Variants in KLHL32 observed in about 807,000 individuals in gnomAD.
KLHL32 encodes kelch like family member 32.
A neutral mutation model predicts 64.8 loss-of-function variants in KLHL32; 35 were observed. The observed-to-expected ratio is 0.54, with a 90% CI of 0.41 to 0.72. KLHL32 has a LOEUF of 0.72. KLHL32 is among the 30% of genes least tolerant of loss of function. The pLI, the probability that KLHL32 is intolerant of heterozygous loss-of-function variation, is 0.00. For synonymous variants in KLHL32, 259 were observed against 281.0 expected (o/e 0.92, Z 0.78); for missense variants, 589 against 768.5 (o/e 0.77, Z 2.76).
At chr6:97,089,366 T>C (rs936593369) in intron 6 of KLHL32, among the ~76,000 whole-genome samples, 4 of 152,360 alleles carry the variant, frequency 2.6e-5, no homozygotes, top group Middle Eastern at 3.4e-3. Flanking sequence ...AAATATTCAG[T>C]AGTTAGGTTA....
intron 6 of KLHL32, among the ~76,000 whole-genome samples, chr6:97,101,296 A>G (rs1795695114): frequency 6.6e-6 from 1 of 152,184 alleles, no homozygotes; most frequent in Non-Finnish European, 1.5e-5. Context: ...ATCTGTCTAC[A>G]AAAGGCTTAA....
At chr6:97,089,503 G>A (rs1164259432) in intron 6 of KLHL32, among the ~76,000 whole-genome samples, 1 of 151,476 alleles carries the variant, frequency 6.6e-6, no homozygotes, top group Admixed American at 6.6e-5. Context: ...TTCTGGGTAG[G>A]CGCGGTGGCT....
At chr6:97,111,381 C>A (rs1797114055) in intron 6 of KLHL32, among the ~76,000 whole-genome samples, 2 of 152,248 alleles carry the variant, frequency 1.3e-5, no homozygotes, top group Non-Finnish European at 2.9e-5. Context: ...ATTCCCTGAC[C>A]CCTTCACGGG....
At chr6:96,982,966 A>G (rs1776506984) in intron 3 of KLHL32, among the ~76,000 whole-genome samples, 1 of 28,698 alleles carries the variant, frequency 3.5e-5, no homozygotes, top group Admixed American at 3.5e-4. Flanking sequence ...GCCAGTTTTC[A>G]AGGGAATGCT....
chr6:97,081,072 A>G (rs1002050581), intron 5 of KLHL32, among the ~76,000 whole-genome samples: 4 of 152,184 alleles, frequency 2.6e-5, no homozygotes, highest in Non-Finnish European at 5.9e-5. Context: ...ATTACCATTG[A>G]AAACATGATT....
chr6:97,072,509 C>T (rs1019728747), intron 5 of KLHL32, among the ~76,000 whole-genome samples: 1 of 150,342 alleles, frequency 6.7e-6, no homozygotes, highest in Non-Finnish European at 1.5e-5. Context: ...AGGTTCACTC[C>T]TTTTAATTTG....
chr6:97,016,820 G>A (rs545297112), intron 3 of KLHL32, among the ~76,000 whole-genome samples: 59 of 152,294 alleles, frequency 3.9e-4, no homozygotes, highest in African/African-American at 1.4e-3. Flanking sequence ...GGATCCTGCG[G>A]TTGGTTTACC....
At chr6:97,003,593 T>G (rs1168831547) in intron 3 of KLHL32, among the ~76,000 whole-genome samples, 1 of 152,234 alleles carries the variant, frequency 6.6e-6, no homozygotes. Context: ...TGGTATTTCC[T>G]AGATTATCTT....
chr6:96,952,553 A>G (rs1485358212), intron 1 of KLHL32, among the ~76,000 whole-genome samples: 1 of 152,198 alleles, frequency 6.6e-6, no homozygotes, highest in Non-Finnish European at 1.5e-5. Flanking sequence ...ACTTTGAAGC[A>G]AGAATCATAA....
intron 3 of KLHL32, among the ~76,000 whole-genome samples, chr6:96,998,383 T>C (rs1332808864): frequency 6.6e-6 from 1 of 152,108 alleles, no homozygotes; most frequent in Non-Finnish European, 1.5e-5. Flanking sequence ...TCTCAAAAAT[T>C]AAATTTTAAC....
At chr6:96,953,937 C>T (rs982985697) in intron 1 of KLHL32, among the ~76,000 whole-genome samples, 3 of 151,374 alleles carry the variant, frequency 2.0e-5, no homozygotes, top group Non-Finnish European at 4.4e-5. Flanking sequence ...TTGATAGAAA[C>T]CACATTAGGT....
At chr6:97,060,744 T>C (rs1407088331) in intron 4 of KLHL32, among the ~76,000 whole-genome samples, 2 of 152,112 alleles carry the variant, frequency 1.3e-5, no homozygotes, top group African/African-American at 2.4e-5. Context: ...AGGAGGGTGA[T>C]TGGGCCACCT....
At chr6:97,127,768 G>A (rs1799029947) in intron 8 of KLHL32, among the ~76,000 whole-genome samples, 1 of 152,090 alleles carries the variant, frequency 6.6e-6, no homozygotes, top group Non-Finnish European at 1.5e-5. Flanking sequence ...ATTCTAGGAG[G>A]GGATCATGCT....
rs542963507 is a variant in KLHL32, at chr6:97,079,253, G to T, written c.412-5873G>T. 3.3e-5 allele frequency among the ~76,000 whole-genome samples: 5 copies of T among 152,224 alleles called. No individual in the cohort carries two copies. The South Asian group carries it at 1.0e-3, about 32-fold the overall frequency. On this transcript the variant is annotated intron_variant, in intron 5 of 10. Coordinates refer to ENST00000369261, the MANE Select transcript of KLHL32 (RefSeq NM_052904.4). ...ATTGAGAGACACCGCAAAGGCCATGGCCACTCTGCTGCAGATGAGACCCAC... is the reference window on the plus strand; with the variant it reads ...ATTGAGAGACACCGCAAAGGCCATGTCCACTCTGCTGCAGATGAGACCCAC...
At chr6:97,012,029 G>A (rs191883533) in intron 3 of KLHL32, among the ~76,000 whole-genome samples, 5 of 152,096 alleles carry the variant, frequency 3.3e-5, no homozygotes, top group African/African-American at 7.2e-5. Context: ...AATCAATCAC[G>A]TAACTGCTGA....
intron 3 of KLHL32, among the ~76,000 whole-genome samples, chr6:97,014,965 C>T (rs575386378): frequency 3.3e-5 from 5 of 152,264 alleles, no homozygotes; most frequent in South Asian, 4.1e-4. Flanking sequence ...TGAATCATGG[C>T]GGTGGTTTCC....
At chr6:96,931,452 T>C (rs1769879937) in intron 1 of KLHL32, among the ~76,000 whole-genome samples, 1 of 152,220 alleles carries the variant, frequency 6.6e-6, no homozygotes, top group African/African-American at 2.4e-5. Flanking sequence ...TAGGATCCCA[T>C]AGACTGAGCT....
At chr6:97,061,395 A>G (rs1192316291) in intron 4 of KLHL32, among the ~76,000 whole-genome samples, 8 of 131,200 alleles carry the variant, frequency 6.1e-5, no homozygotes, top group Non-Finnish European at 1.5e-5. Flanking sequence ...TTATGTATCT[A>G]GCATTTTCTT....
chr6:97,111,037 G>GT (rs1329709536), intron 6 of KLHL32, among the ~76,000 whole-genome samples: 2 of 151,886 alleles, frequency 1.3e-5, no homozygotes. Context: ...TCTTGGGGGG[G>GT]GGGGGTCTTA....
Sources: gnomAD v4.1 joint callset for allele counts (sites outside exome capture counted in the v4.1 genomes callset) on GRCh38, gnomAD v4.1.1 for gene constraint, MANE v1.5 for transcripts, NCBI Gene and HGNC (gene_info 2026-07-23, HGNC 2026-07-21) for gene names.